DAB2IP: variants seen among roughly 807,000 people sequenced by gnomAD.
DAB2IP encodes the protein disabled homolog 2-interacting protein.
In DAB2IP, 28 loss-of-function variants were observed where a neutral mutation model predicts 107.2. That is an observed-to-expected ratio of 0.26 (90% confidence interval 0.19 to 0.36). The LOEUF is 0.36. Ranked by LOEUF, DAB2IP falls within the 10% of genes least tolerant of loss-of-function variation. The pLI is 1.00. For missense variants in DAB2IP, 1,400 were observed against 1,644.7 expected (o/e 0.85, Z 2.57); for synonymous variants, 755 against 706.4 (o/e 1.07, Z -1.09).
intron 1 of DAB2IP, among the ~76,000 whole-genome samples, chr9:121,677,101 C>G (rs1447908671): frequency 6.6e-6 from 1 of 152,218 alleles, no homozygotes. Context: ...TAGCAGTAAC[C>G]AATTAGCGCC....
intron 3 of DAB2IP, among the ~76,000 whole-genome samples, chr9:121,711,018 T>G (rs1830313891): frequency 6.6e-6 from 1 of 152,192 alleles, no homozygotes; most frequent in South Asian, 2.1e-4. Context: ...ATTTGATGGT[T>G]GTTTATGAGG....
At chr9:121,703,451 C>G (rs1233846446) in intron 3 of DAB2IP, among the ~76,000 whole-genome samples, 1 of 152,060 alleles carries the variant, frequency 6.6e-6, no homozygotes, top group Non-Finnish European at 1.5e-5. Context: ...GCAGTTTAGA[C>G]AATTGCCAGG....
chr9:121,784,771 C>T (rs1327713138), exon 16 of DAB2IP: 1 of 153,416 alleles, frequency 6.5e-6, no homozygotes, highest in African/African-American at 2.4e-5. Flanking sequence ...GGCTTGGTGT[C>T]TGCGGGGGGT....
rs978474307 is a variant in DAB2IP at position 121,701,829 on chromosome 9, G to A, written c.362+2371G>A. On this transcript the variant is annotated intron_variant, in intron 3 of 15. Coordinates refer to ENST00000408936, the Ensembl canonical transcript of DAB2IP. The surrounding 1 kb of genome is among the most constrained non-coding windows in gnomAD (Gnocchi z 4.7). The stretch of plus-strand genomic sequence containing the variant: ...GTGCCTCTCCCTGCTCTGATGTGGT[G>A]TGGTTGTGATGTTGAAGGCTGGGAG... Among the ~76,000 whole-genome samples, 4 of 152,178 alleles carry A rather than the reference G, an allele frequency of 2.6e-5. No individual in the cohort carries two copies. Among genetic ancestry groups the A allele is most frequent in the African/African-American group, 9.7e-5 (4 of 41,442 alleles).
Position 121,651,804 on chromosome 9 carries a change from G to T in DAB2IP, c.29G>T (p.Ser10Ile), listed in dbSNP as rs1286148134. The T allele has an allele frequency of 4.8e-6, 7 of 1,457,504 alleles. No homozygotes were observed. The highest frequency in any genetic ancestry group is 6.4e-6 in the Non-Finnish European group (7 of 1,101,836). 90.3% of individuals were successfully genotyped at this position (1,457,504 alleles called of 1,614,324 possible). A position where few individuals can be genotyped will look rare whatever the true frequency, so the allele number is the denominator to read the frequency against. Residue 10 changes from serine (S) to isoleucine (I), a missense_variant, in exon 1 of 16, where the codon AGC becomes ATC. By Grantham distance (142) the Ser-to-Ile change is moderately radical. Transcript: ENST00000408936. This position sits in a 1 kb window ranked among gnomAD's most constrained non-coding sequence, Gnocchi z 5.1. Reference sequence around the variant, plus strand: ...TCCGCGGGCGGCAGCGCCAGGAAGAGCACCGGGAGGTCCTCCTACTACTAC... The same window carrying T: ...TCCGCGGGCGGCAGCGCCAGGAAGATCACCGGGAGGTCCTCCTACTACTAC...
intron 1 of DAB2IP, among the ~76,000 whole-genome samples, chr9:121,621,984 CT>C (rs1202929145): frequency 0.069 from 6,874 of 99,758 alleles, 48 homozygotes; most frequent in African/African-American, 0.1. Flanking sequence ...TTTTTTCTTT[CT>C]TTTTTTTTTT....
intron 3 of DAB2IP, among the ~76,000 whole-genome samples, chr9:121,705,984 G>C (rs1314527533): frequency 6.6e-6 from 1 of 152,234 alleles, no homozygotes; most frequent in African/African-American, 2.4e-5. Flanking sequence ...AAAGGCAAGA[G>C]GGAAAAGCAT....
chr9:121,572,173 T>C (rs566816287), intron 1 of DAB2IP, among the ~76,000 whole-genome samples: 2 of 152,274 alleles, frequency 1.3e-5, no homozygotes, highest in Admixed American at 6.5e-5. Context: ...CCGGGTTCTT[T>C]TGGAGTCCTG....
intron 1 of DAB2IP, among the ~76,000 whole-genome samples, chr9:121,646,219 C>T (rs924047671): frequency 1.6e-4 from 25 of 152,270 alleles, no homozygotes; most frequent in East Asian, 1.9e-4. Flanking sequence ...TTAAATATAT[C>T]GGTGGCTTTT....
chr9:121,756,208 T>C (rs1259513698), intron 3 of DAB2IP, among the ~76,000 whole-genome samples: 1 of 152,218 alleles, frequency 6.6e-6, no homozygotes, highest in African/African-American at 2.4e-5. Context: ...TCTGCGGTGC[T>C]TTCCCTGTGA....
At chr9:121,779,912 C>T (rs1241888105) in intron 14 of DAB2IP, among the ~76,000 whole-genome samples, 1 of 152,254 alleles carries the variant, frequency 6.6e-6, no homozygotes, top group Non-Finnish European at 1.5e-5. Flanking sequence ...CTGCCTGTCT[C>T]CTCAACTCAG....
intron 3 of DAB2IP, chr9:121,751,667 G>A (rs1833130857): frequency 6.6e-6 from 1 of 152,616 alleles, no homozygotes; most frequent in African/African-American, 2.4e-5. Context: ...CTTTCAGGAG[G>A]GCTCGGACAC....
chr9:121,706,150 T>C (rs1423145786), intron 3 of DAB2IP, among the ~76,000 whole-genome samples: 1 of 152,202 alleles, frequency 6.6e-6, no homozygotes, highest in Non-Finnish European at 1.5e-5. Context: ...TTCTAGTCTC[T>C]TGGCCATCAG....
chr9:121,668,559 TTTG>T (rs1458624874), intron 1 of DAB2IP, among the ~76,000 whole-genome samples: 1 of 152,108 alleles, frequency 6.6e-6, no homozygotes, highest in Non-Finnish European at 1.5e-5. Flanking sequence ...TTTAATTTGT[TTTG>T]TTTTGTTTTC....
chr9:121,681,883 A>C (rs535099982), intron 2 of DAB2IP, among the ~76,000 whole-genome samples: 2 of 152,298 alleles, frequency 1.3e-5, no homozygotes, highest in African/African-American at 2.4e-5. Flanking sequence ...TAAAATCTGG[A>C]ATGACAGACT....
intron 3 of DAB2IP, among the ~76,000 whole-genome samples, chr9:121,747,651 T>G (rs1443293798): frequency 2.6e-5 from 4 of 152,256 alleles, no homozygotes; most frequent in African/African-American, 9.6e-5. Flanking sequence ...CCGGCCTAGA[T>G]GCTCTTCTTT....
chr9:121,773,090 C>T (rs1006190827), exon 12 of DAB2IP: 1 of 1,612,554 alleles, frequency 6.2e-7, no homozygotes, highest in Non-Finnish European at 8.5e-7. Context: ...CTGAGGGCCA[C>T]AGCTCCCTGA....
chr9:121,782,792 G>C lies in DAB2IP; in HGVS notation c.*294G>C. The C allele has an allele frequency of 8.0e-7, 1 of 1,255,490 alleles. No homozygotes were observed. The allele number at this position is 1,255,490 out of a possible 1,614,324, so 77.8% of individuals were successfully genotyped here. A position where few individuals can be genotyped will look rare whatever the true frequency, so the allele number is the denominator to read the frequency against. On this transcript the variant is annotated 3_prime_UTR_variant, in exon 16 of 16. Transcript: ENST00000408936. The surrounding 1 kb of genome is among the most constrained non-coding windows in gnomAD (Gnocchi z 6.1). ...GGGCCTGCCAAAAATATGTCTGTTG[G>C]TTCCTGAATGTGGTGTGTCCTTGTC...
At chr9:121,756,900 G>A in intron 3 of DAB2IP, 113 bp from the exon 4 acceptor site, 1 of 1,387,132 alleles carries the variant, frequency 7.2e-7, no homozygotes, top group African/African-American at 1.4e-5. Context: ...AGAGAGAGTG[G>A]AGAGGAGTGG....
Sources: allele counts gnomAD v4.1 joint callset (sites outside exome capture counted in the v4.1 genomes callset), GRCh38; gene constraint gnomAD v4.1.1; non-coding constraint Gnocchi (gnomAD v3.1); transcripts MANE v1.5; gene names NCBI Gene and HGNC (gene_info 2026-07-23, HGNC 2026-07-21).